Variants in SLC35F3 observed in about 807,000 individuals in gnomAD.
SLC35F3 encodes solute carrier family 35 member F3.
In SLC35F3, 25 loss-of-function variants were observed where a neutral mutation model predicts 49.9. That is an observed-to-expected ratio of 0.50 (90% CI 0.37 to 0.70). The LOEUF (loss-of-function observed/expected upper bound fraction) is 0.70, where lower values mean the gene tolerates loss of function less well. Ranked by LOEUF, SLC35F3 falls within the 30% of genes least tolerant of loss-of-function variation. The pLI, the probability that SLC35F3 is intolerant of heterozygous loss-of-function variation, is 0.00. For missense variants in SLC35F3, 525 were observed against 639.8 expected (o/e 0.82, Z 1.94); for synonymous variants, 275 against 265.4 (o/e 1.04, Z -0.35).
chr1:233,978,583 TC>T, intron 2 of SLC35F3, among the ~76,000 whole-genome samples: 1 of 152,338 alleles, frequency 6.6e-6, no homozygotes, highest in African/African-American at 2.4e-5. Flanking sequence ...CAATCCAGGA[TC>T]CCTGTGGGGA....
At chr1:234,169,866 C>T (rs1032080335) in intron 2 of SLC35F3, among the ~76,000 whole-genome samples, 3 of 152,208 alleles carry the variant, frequency 2.0e-5, no homozygotes, top group Admixed American at 1.3e-4. Context: ...CTCCCGGGTT[C>T]ACGCCATTCT....
At chr1:233,928,734 T>C (rs1193480854) in intron 2 of SLC35F3, among the ~76,000 whole-genome samples, 1 of 152,106 alleles carries the variant, frequency 6.6e-6, no homozygotes, top group Non-Finnish European at 1.5e-5. Flanking sequence ...AGGGGTTCAT[T>C]ATAGGGCCCT....
At chr1:234,034,987 C>G (rs949294688) in intron 2 of SLC35F3, among the ~76,000 whole-genome samples, 1 of 152,118 alleles carries the variant, frequency 6.6e-6, no homozygotes, top group Admixed American at 6.6e-5. Context: ...GAATTTAGGC[C>G]ACATAAACAT....
chr1:234,111,351 G>C (rs1665403040), intron 2 of SLC35F3, among the ~76,000 whole-genome samples: 1 of 152,056 alleles, frequency 6.6e-6, no homozygotes, highest in Non-Finnish European at 1.5e-5. Context: ...GAGTGTAATG[G>C]CGCAATCTCA....
In SLC35F3 at chr1:234,204,539, G is replaced by A. The variant is rs565943542; in HGVS notation, c.284-26878G>A. Among the ~76,000 whole-genome samples, 3 of 152,290 alleles carry A rather than the reference G, an allele frequency of 2.0e-5. No homozygotes were observed. In the South Asian group the frequency reaches 6.2e-4, roughly 32 times the overall value. On this transcript the variant is annotated intron_variant, in intron 2 of 7. Transcript: ENST00000366618. ...CTCAGATGCACCCCTGGAGCCCTGA[G>A]GAGCTCACCTTTGTCCTAATGCCTA...
chr1:234,157,802 A>T (rs78515372), intron 2 of SLC35F3, among the ~76,000 whole-genome samples: 1 of 152,230 alleles, frequency 6.6e-6, no homozygotes, highest in African/African-American at 2.4e-5. Flanking sequence ...TTCTGCATTC[A>T]GACCTGATCA....
chr1:234,164,324 A>C (rs571759294), intron 2 of SLC35F3, among the ~76,000 whole-genome samples: 152 of 107,934 alleles, frequency 1.4e-3, no homozygotes, highest in East Asian at 1.8e-3. Flanking sequence ...CTCTCTCCCT[A>C]TCTCTCTCCG....
At chr1:234,012,562 C>T (rs1284943652) in intron 2 of SLC35F3, among the ~76,000 whole-genome samples, 4 of 152,212 alleles carry the variant, frequency 2.6e-5, no homozygotes, top group African/African-American at 9.6e-5. Flanking sequence ...ATGGTGATGA[C>T]TTTTACCAAG....
intron 2 of SLC35F3, among the ~76,000 whole-genome samples, chr1:234,178,572 GCAT>G (rs1666511157): frequency 6.6e-6 from 1 of 152,080 alleles, no homozygotes; most frequent in South Asian, 2.1e-4. Flanking sequence ...CACACTGTCA[GCAT>G]CCCCCAGTGG....
chr1:233,945,378 G>A (rs113119405), intron 2 of SLC35F3, among the ~76,000 whole-genome samples: 32 of 152,300 alleles, frequency 2.1e-4, no homozygotes, highest in Non-Finnish European at 4.1e-4. Context: ...ATAACAATAA[G>A]TGTACTTCTT....
chr1:234,216,340 C>T (rs777318052), intron 2 of SLC35F3, among the ~76,000 whole-genome samples: 8 of 152,172 alleles, frequency 5.3e-5, no homozygotes, highest in Admixed American at 3.3e-4. Flanking sequence ...AGGACAGGTT[C>T]GAACTGCACT....
At chr1:234,066,765 CTT>C (rs1295795136) in intron 2 of SLC35F3, among the ~76,000 whole-genome samples, 1 of 148,750 alleles carries the variant, frequency 6.7e-6, no homozygotes, top group African/African-American at 2.5e-5. Flanking sequence ...CTCTCTCTCT[CTT>C]TCCTTCCCTC....
chr1:234,237,420 C>T (rs1667491327), intron 3 of SLC35F3, among the ~76,000 whole-genome samples: 1 of 152,168 alleles, frequency 6.6e-6, no homozygotes, highest in East Asian at 1.9e-4. Flanking sequence ...CTCAAGTGTT[C>T]TGAAAACATG....
chr1:234,072,750 C>A (rs762280833), intron 2 of SLC35F3, among the ~76,000 whole-genome samples: 3 of 152,076 alleles, frequency 2.0e-5, no homozygotes, highest in African/African-American at 7.2e-5. Flanking sequence ...AAAATGGCTG[C>A]GGCCTATGAG....
At chr1:234,087,903 T>G (rs1459603537) in intron 2 of SLC35F3, among the ~76,000 whole-genome samples, 2 of 152,234 alleles carry the variant, frequency 1.3e-5, no homozygotes. Flanking sequence ...CTGCCTCAGA[T>G]AGTGACATGG....
chr1:234,070,951 T>C (rs767874722), intron 2 of SLC35F3, among the ~76,000 whole-genome samples: 13 of 152,180 alleles, frequency 8.5e-5, no homozygotes, highest in Non-Finnish European at 1.8e-4. Flanking sequence ...AACTCCCATT[T>C]TGGGAGATGA....
chr1:234,174,648 G>A (rs1163841645), intron 2 of SLC35F3, among the ~76,000 whole-genome samples: 1 of 152,192 alleles, frequency 6.6e-6, no homozygotes. Flanking sequence ...AAACATCTCT[G>A]TGTGTGCATA....
chr1:234,274,913 T>C (rs1328352144), intron 3 of SLC35F3, among the ~76,000 whole-genome samples: 1 of 152,248 alleles, frequency 6.6e-6, no homozygotes, highest in Non-Finnish European at 1.5e-5. Flanking sequence ...GGGATTTTAT[T>C]TGCATTAAAT....
chr1:234,253,488 G>T lies in SLC35F3; in HGVS notation c.608+21747G>T, dbSNP rs112623853. Among the ~76,000 whole-genome samples, 152 of 151,650 alleles carry T rather than the reference G, an allele frequency of 1.0e-3. 1 individual carries two copies. Among genetic ancestry groups the T allele is most frequent in the African/African-American group, 3.5e-3 (146 of 41,362 alleles). The stretch of plus-strand genomic sequence containing the variant: ...AAAAAAGGAGAATAGATATTTGTAT[G>T]GCTTGAATATTCATTTAAAACCTCT... On this transcript the variant is annotated intron_variant, in intron 3 of 7. Transcript: ENST00000366618.
Sources: allele counts gnomAD v4.1 joint callset (sites outside exome capture counted in the v4.1 genomes callset), GRCh38; gene constraint gnomAD v4.1.1; transcripts MANE v1.5; gene names NCBI Gene and HGNC (gene_info 2026-07-23, HGNC 2026-07-21).